Variants in SHLD1 observed in about 807,000 individuals in gnomAD.
SHLD1 encodes the protein shieldin complex subunit 1.
In SHLD1, 3 loss-of-function variants were observed where a neutral mutation model predicts 5.5. The ratio of observed to expected loss-of-function variants is 0.54; its 90% CI spans 0.25 to 1.40. The LOEUF is 1.40. SHLD1 is among the 40% of genes most tolerant of loss of function. The pLI is 0.15. For synonymous variants in SHLD1, 92 were observed against 94.3 expected, an observed-to-expected ratio of 0.98 and a Z score of 0.14; for missense variants, 210 against 244.4, an observed-to-expected ratio of 0.86 and a Z score of 0.94.
rs2087879694 is a variant in SHLD1, at chr20:5,842,690, T to G, written c.179-20334T>G. On this transcript the variant is annotated intron_variant, in intron 2 of 2. Coordinates refer to ENST00000303142, the MANE Select transcript of SHLD1 (RefSeq NM_152504.4). ...TATCTCTTATTTTTTTCTCTATCTC[T>G]CTCTCTATGCTAAATTGTAAGTAAT... Among the ~76,000 whole-genome samples, 2 of 152,196 alleles carry G rather than the reference T, an allele frequency of 1.3e-5. 1 individual carries two copies. The highest frequency in any genetic ancestry group is 4.1e-4 in the South Asian group (2 of 4,830).
chr20:5,797,717 T>C (rs2122326439), intron 2 of SHLD1, among the ~76,000 whole-genome samples: 1 of 152,336 alleles, frequency 6.6e-6, no homozygotes. Flanking sequence ...ACTGGAGACA[T>C]GTCTAACTTG....
At chr20:5,803,536 A>C (rs1216464137) in intron 2 of SHLD1, among the ~76,000 whole-genome samples, 3 of 152,116 alleles carry the variant, frequency 2.0e-5, no homozygotes, top group African/African-American at 7.2e-5. Flanking sequence ...CTGTGGCTTC[A>C]GGGGAGTCTC....
chr20:5,795,521 C>T (rs572235139), intron 2 of SHLD1, among the ~76,000 whole-genome samples: 178 of 148,468 alleles, frequency 1.2e-3, no homozygotes, highest in African/African-American at 4.3e-3. Flanking sequence ...ATTGCTTGAA[C>T]CCGGGAGGCA....
chr20:5,860,804 A>G (rs1777348), intron 2 of SHLD1, among the ~76,000 whole-genome samples: 8,766 of 145,376 alleles, frequency 0.06, 299 homozygotes, highest in East Asian at 0.19. Context: ...GTCCAGTGAT[A>G]GTGTTCTTGG....
At chr20:5,818,071 TTTTC>T (rs981228643) in intron 2 of SHLD1, among the ~76,000 whole-genome samples, 26 of 151,966 alleles carry the variant, frequency 1.7e-4, no homozygotes, top group African/African-American at 6.3e-4. Context: ...CTTTTTTTCT[TTTTC>T]TTTCTTTTTT....
rs145249705 is a variant in SHLD1 at position 5,845,622 on chromosome 20, T to C, written c.179-17402T>C. ...GCGAAAACTGCTTTGAGAACCAGCATGTGTAACATAAGAAAATCAATTTTC... is the reference window on the plus strand; with the variant it reads ...GCGAAAACTGCTTTGAGAACCAGCACGTGTAACATAAGAAAATCAATTTTC... On this transcript the variant is annotated intron_variant, in intron 2 of 2. Coordinates refer to ENST00000303142, the MANE Select transcript of SHLD1 (RefSeq NM_152504.4). Among the ~76,000 whole-genome samples, 833 of 152,360 alleles carry C rather than the reference T, an allele frequency of 5.5e-3. 10 individuals carry two copies. The highest frequency in any genetic ancestry group is 0.019 in the African/African-American group (791 of 41,578).
intron 2 of SHLD1, among the ~76,000 whole-genome samples, chr20:5,841,317 A>G (rs1032186021): frequency 6.6e-6 from 1 of 152,170 alleles, no homozygotes; most frequent in Non-Finnish European, 1.5e-5. Flanking sequence ...GTGGGTGTAT[A>G]CCCACATAAC....
chr20:5,817,432 C>CTCTCTCTCTG (rs1473391202), intron 2 of SHLD1, among the ~76,000 whole-genome samples: 152 of 85,648 alleles, frequency 1.8e-3, no homozygotes, highest in South Asian at 3.9e-3. Flanking sequence ...CTCTCTCTCT[C>CTCTCTCTCTG]TGTGTGTGTG....
chr20:5,830,667 A>G (rs1206734586), intron 2 of SHLD1, among the ~76,000 whole-genome samples: 2 of 149,154 alleles, frequency 1.3e-5, no homozygotes, highest in African/African-American at 5.1e-5. Flanking sequence ...CAGCCTGGGC[A>G]ACAAGAGTGA....
At position 5,856,212 on chromosome 20, in the gene SHLD1, C is replaced by T. The variant is rs140412651; in HGVS notation, c.179-6812C>T. Among the ~76,000 whole-genome samples, 411 of 152,236 alleles carry T rather than the reference C, an allele frequency of 2.7e-3. 2 individuals carry two copies. The highest frequency in any genetic ancestry group is 4.4e-3 in the Non-Finnish European group (296 of 68,018). On this transcript the variant is annotated intron_variant, in intron 2 of 2. Coordinates refer to ENST00000303142, the MANE Select transcript of SHLD1 (RefSeq NM_152504.4). ...AACGTCTGAGCAGAGACCTAGAGGA[C>T]GTGATATGTGGAGCAAGCATGTTCG...
intron 2 of SHLD1, among the ~76,000 whole-genome samples, chr20:5,812,721 G>A (rs2122380006): frequency 6.6e-6 from 1 of 152,248 alleles, no homozygotes; most frequent in Middle Eastern, 3.4e-3. Context: ...CTGATGGCTA[G>A]CTTCTTTACA....
chr20:5,752,615 G>A (rs1247462044), intron 1 of SHLD1, among the ~76,000 whole-genome samples: 1 of 120,640 alleles, frequency 8.3e-6, no homozygotes, highest in South Asian at 2.9e-4. Flanking sequence ...ATATTTTGGG[G>A]TTTTTTTTTT....
intron 2 of SHLD1, among the ~76,000 whole-genome samples, chr20:5,813,264 G>A (rs1159018818): frequency 1.3e-5 from 2 of 152,072 alleles, no homozygotes; most frequent in Admixed American, 6.5e-5. Flanking sequence ...GAGGCAGGCG[G>A]ATCACCTGAG....
chr20:5,836,900 C>T (rs1201157731), intron 2 of SHLD1, among the ~76,000 whole-genome samples: 5 of 152,126 alleles, frequency 3.3e-5, no homozygotes, highest in Non-Finnish European at 7.3e-5. Flanking sequence ...AAATAAAGAA[C>T]TTAAAAGAAA....
chr20:5,779,810 G>C (rs1368573194), intron 2 of SHLD1, among the ~76,000 whole-genome samples: 1 of 152,068 alleles, frequency 6.6e-6, no homozygotes. Flanking sequence ...GCTCAAAATA[G>C]AGTTGACTAT....
At chr20:5,803,403 A>G (rs867625497) in intron 2 of SHLD1, among the ~76,000 whole-genome samples, 2 of 152,102 alleles carry the variant, frequency 1.3e-5, no homozygotes, top group African/African-American at 4.8e-5. Context: ...TCCTGGCCTC[A>G]AGTGATCCTT....
chr20:5,759,048 G>T (rs1984308213), intron 1 of SHLD1, among the ~76,000 whole-genome samples: 1 of 144,218 alleles, frequency 6.9e-6, no homozygotes, highest in Admixed American at 7.5e-5. Flanking sequence ...TCCATCTCCT[G>T]GCTTCAAGTG....
intron 2 of SHLD1, among the ~76,000 whole-genome samples, chr20:5,834,748 A>G (rs1044976630): frequency 6.6e-6 from 1 of 152,200 alleles, no homozygotes; most frequent in Non-Finnish European, 1.5e-5. Flanking sequence ...TGTGGCTTAT[A>G]AGCAATAGAA....
chr20:5,797,250 TC>T (rs1411482635), intron 2 of SHLD1, among the ~76,000 whole-genome samples: 2 of 152,116 alleles, frequency 1.3e-5, no homozygotes, highest in African/African-American at 4.8e-5. Context: ...CATTTTATAC[TC>T]TTGTGAGGAT....
Sources: gnomAD v4.1 joint callset for allele counts (sites outside exome capture counted in the v4.1 genomes callset) on GRCh38, gnomAD v4.1.1 for gene constraint, MANE v1.5 for transcripts, NCBI Gene and HGNC (gene_info 2026-07-23, HGNC 2026-07-21) for gene names.